The following VNN1 variants were observed in gnomAD, a reference collection of about 807,000 sequenced individuals.
VNN1 encodes the protein pantetheinase.
Under a neutral mutation model 41.9 loss-of-function variants are expected in VNN1, and 29 were observed. The ratio of observed to expected loss-of-function variants is 0.69; its 90% confidence interval spans 0.52 to 0.94. The LOEUF (loss-of-function observed/expected upper bound fraction) is 0.94. Among genes scored for constraint, VNN1 ranks in the 40% least tolerant of loss-of-function variants. The pLI is 0.00. For synonymous variants in VNN1, 233 were observed against 224.4 expected, an observed-to-expected ratio of 1.04 and a Z score of -0.34; for missense variants, 637 against 621.1, an observed-to-expected ratio of 1.03 and a Z score of -0.27.
rs1005086556 is a variant in VNN1 at position 132,683,129 on chromosome 6, A to G, written c.*11T>C. The G allele has an allele frequency of 6.4e-7, 1 of 1,568,236 alleles. No individual in the cohort carries two copies. The highest frequency in any genetic ancestry group is 8.6e-7 in the Non-Finnish European group (1 of 1,159,976). The stretch of plus-strand genomic sequence containing the variant: ...AATTATCCCAAATAAAAAAGAGAAA[A>G]AGTCAATATTCTACCAACTTAATGA... On this transcript the variant is annotated 3_prime_UTR_variant, in exon 7 of 7. Coordinates refer to ENST00000367928, the MANE Select transcript of VNN1 (RefSeq NM_004666.3).
At chr6:132,693,957 T>C (rs1778330727) in intron 3 of VNN1, 33 bp downstream of exon 3, 1 of 1,611,184 alleles carries the variant, frequency 6.2e-7, no homozygotes, top group East Asian at 2.2e-5. Flanking sequence ...CATTAGGCAT[T>C]AACTAATTGG....
intron 2 of VNN1, among the ~76,000 whole-genome samples, chr6:132,704,745 CA>C (rs146502754): frequency 0.048 from 7,091 of 149,004 alleles, 362 homozygotes; most frequent in South Asian, 0.14. Context: ...AAAAAACATC[CA>C]AAAAAAACTA....
chr6:132,694,308 A>T, intron 2 of VNN1, 126 bp from the exon 3 acceptor site: 1 of 998,858 alleles, frequency 1.0e-6, no homozygotes, highest in Non-Finnish European at 1.4e-6. Context: ...AATAACAATA[A>T]TTAGAAGAGA....
At chr6:132,713,121 T>A (rs1778627790) in intron 1 of VNN1, among the ~76,000 whole-genome samples, 1 of 152,174 alleles carries the variant, frequency 6.6e-6, no homozygotes, top group South Asian at 2.1e-4. Context: ...GGTGACAGAG[T>A]GAGACCTTAA....
chr6:132,693,140 G>T lies in VNN1; in HGVS notation c.710C>A (p.Ala237Asp), dbSNP rs1436122173. Residue 237 changes from alanine to aspartate, a missense_variant, in exon 4 of 7, where the codon GCT becomes GAT. Transcript: ENST00000367928. ...CAAATGTGGCAAAACATTCATCCAA[G>T]CTGTTGGGAATACTATGGTGTCCAC... ...FHVDTIVFPTAWMNVLPHLSA... is the reference protein window; with the variant it reads ...FHVDTIVFPTDWMNVLPHLSA... The T allele has an allele frequency of 3.7e-6, 6 of 1,614,024 alleles. No individual in the cohort carries two copies. The highest frequency in any genetic ancestry group is 5.1e-6 in the Non-Finnish European group (6 of 1,180,020).
intron 2 of VNN1, among the ~76,000 whole-genome samples, chr6:132,704,636 G>T (rs1341121658): frequency 6.6e-6 from 1 of 151,746 alleles, no homozygotes; most frequent in African/African-American, 2.4e-5. Context: ...ACAGCCTAAT[G>T]ATATATTTTT....
chr6:132,692,969 TTTTC>T, intron 4 of VNN1, 51 bp downstream of exon 4: 5 of 1,504,024 alleles, frequency 3.3e-6, no homozygotes, highest in Non-Finnish European at 4.4e-6. Context: ...CATGTTTTTT[TTTTC>T]TTTTCTTTTC....
intron 2 of VNN1, among the ~76,000 whole-genome samples, chr6:132,703,613 C>A (rs1241774300): frequency 6.6e-6 from 1 of 151,926 alleles, no homozygotes; most frequent in African/African-American, 2.4e-5. Context: ...AAAACACCTT[C>A]ACAAAAAGGA....
Position 132,695,897 on chromosome 6 carries a change from C to T in VNN1, c.342-1715G>A, listed in dbSNP as rs548497964. Among the ~76,000 whole-genome samples the T allele has an allele frequency of 2.6e-4, 40 of 152,128 alleles. No individual in the cohort carries two copies. The South Asian group carries it at 8.1e-3, about 31-fold the overall frequency. On this transcript the variant is annotated intron_variant, in intron 2 of 6. Coordinates refer to ENST00000367928, the MANE Select transcript of VNN1 (RefSeq NM_004666.3). The stretch of plus-strand genomic sequence containing the variant: ...CAGAGAATCTGATTCCCAGAGTAAC[C>T]ATGTGATAAGATTCAAATGTCTAGT...
chr6:132,695,417 T>A (rs1438629312), intron 2 of VNN1, among the ~76,000 whole-genome samples: 1 of 152,210 alleles, frequency 6.6e-6, no homozygotes, highest in African/African-American at 2.4e-5. Flanking sequence ...CAGGCTGCCA[T>A]GTCTGTGTTC....
intron 2 of VNN1, among the ~76,000 whole-genome samples, chr6:132,696,077 T>C (rs1400577111): frequency 6.6e-6 from 1 of 151,952 alleles, no homozygotes; most frequent in Non-Finnish European, 1.5e-5. Flanking sequence ...TACAGAAGCT[T>C]AAGAAAATAA....
At chr6:132,695,240 C>A (rs1778352429) in intron 2 of VNN1, among the ~76,000 whole-genome samples, 1 of 152,124 alleles carries the variant, frequency 6.6e-6, no homozygotes, top group Non-Finnish European at 1.5e-5. Context: ...TTTCTCCCCA[C>A]CTAGATAACA....
Position 132,683,179 on chromosome 6 carries a change from T to C in VNN1, c.1503A>G (p.Leu501=), listed in dbSNP as rs775170708. ...GLTAQARIIM[L]IVIAPIVCSL... ...AGCATACAATAGGTGCTATAACTAT[T>C]AGCATTATTATTCTTGCTTGTGCTG... is the stretch of plus-strand genomic sequence containing the variant. The change falls in exon 7 of 7, where the codon CTA becomes CTG. Residue 501 remains leucine (L), a synonymous_variant. Transcript: ENST00000367928. 5 of 1,613,940 alleles carry C rather than the reference T, an allele frequency of 3.1e-6. No homozygotes were observed. In the Admixed American group the frequency reaches 8.3e-5, roughly 27 times the overall value.
intron 5 of VNN1, among the ~76,000 whole-genome samples, chr6:132,688,067 A>G (rs949338169): frequency 4.6e-5 from 7 of 152,252 alleles, no homozygotes; most frequent in Non-Finnish European, 8.8e-5. Context: ...GAGATTTTTC[A>G]AGCATAATAT....
chr6:132,693,294 T>A lies in VNN1; in HGVS notation c.556A>T (p.Asn186Tyr). 2 of 1,604,688 alleles carry A rather than the reference T, an allele frequency of 1.2e-6. No homozygotes were observed. Among genetic ancestry groups the A allele is most frequent in the South Asian group, 2.2e-5 (2 of 89,366 alleles). The part of the protein sequence containing the change: ...YHKQNLFMGE[N>Y]QFNVPKEPEI... ...GGCTCCTTGGGTACATTGAATTGAT[T>A]TTCACCCATGAAAAGGTTTTGCTGC... Residue 186 changes from asparagine (N) to tyrosine (Y), a missense_variant, in exon 4 of 7, where the codon AAT (asparagine) becomes TAT (tyrosine). Coordinates refer to ENST00000367928, the MANE Select transcript of VNN1 (RefSeq NM_004666.3).
chr6:132,683,873 T>G (rs896164782), intron 6 of VNN1, among the ~76,000 whole-genome samples: 7 of 152,158 alleles, frequency 4.6e-5, no homozygotes, highest in Admixed American at 1.3e-4. Context: ...TTTAAAAAGT[T>G]TTTGCTTTTT....
At chr6:132,713,676 G>T (rs1778633505) in intron 1 of VNN1, 150 bp downstream of exon 1, 2 of 807,846 alleles carry the variant, frequency 2.5e-6, no homozygotes, top group Non-Finnish European at 1.8e-6. Flanking sequence ...TGAGAGGAAA[G>T]TAGAATTCTA....
intron 4 of VNN1, among the ~76,000 whole-genome samples, 183 bp downstream of exon 4, chr6:132,692,841 A>G (rs1031961311): frequency 6.6e-6 from 1 of 152,240 alleles, no homozygotes; most frequent in African/African-American, 2.4e-5. Flanking sequence ...AAATAAAACC[A>G]AATAAATCTA....
intron 6 of VNN1, among the ~76,000 whole-genome samples, chr6:132,683,603 T>A (rs1346826616): frequency 1.3e-5 from 2 of 152,178 alleles, no homozygotes. Context: ...TTTGGCAGTA[T>A]ACAGAAGAGA....
Sources: allele counts gnomAD v4.1 joint callset (sites outside exome capture counted in the v4.1 genomes callset), GRCh38; gene constraint gnomAD v4.1.1; transcripts MANE v1.5; gene names NCBI Gene and HGNC (gene_info 2026-07-23, HGNC 2026-07-21).